Variants in LRRC61 observed in about 807,000 individuals in gnomAD.
LRRC61 encodes leucine-rich repeat-containing protein 61.
A neutral mutation model predicts 15.1 loss-of-function variants in LRRC61; 9 were observed. The observed-to-expected ratio is 0.60, with a 90% CI of 0.36 to 1.04. The LOEUF (loss-of-function observed/expected upper bound fraction) is 1.04, where lower values mean the gene tolerates loss of function less well. Ranked by LOEUF, LRRC61 falls within the 50% of genes least tolerant of loss-of-function variation. The pLI is 0.01. For missense variants in LRRC61, 344 were observed against 335.6 expected (o/e 1.03, Z -0.20); for synonymous variants, 173 against 158.6 (o/e 1.09, Z -0.68).
At chr7:150,324,817 C>G (rs1056856284) in intron 1 of LRRC61, among the ~76,000 whole-genome samples, 7 of 152,178 alleles carry the variant, frequency 4.6e-5, no homozygotes, top group African/African-American at 1.7e-4. Context: ...CTCCCATCCC[C>G]ACCTCCAGCA....
upstream of LRRC61, among the ~76,000 whole-genome samples, chr7:150,318,535 G>A (rs1025459001): frequency 1.3e-4 from 20 of 152,250 alleles, no homozygotes; most frequent in African/African-American, 4.6e-4. Context: ...AGGCCAAGGT[G>A]GGCGGATCAC....
chr7:150,336,934 A>C lies in LRRC61; in HGVS notation c.73A>C (p.Thr25Pro). 6.2e-7 allele frequency: 1 copy of C among 1,613,870 alleles called. No individual in the cohort carries two copies. Among genetic ancestry groups the C allele is most frequent in the East Asian group, 2.2e-5 (1 of 44,890 alleles). ...QITPQLLKSR[T>P]GEFSLESILL... ...CACACCCCAGCTGCTGAAGTCACGC[A>C]CAGGCGAGTTCTCCCTGGAGTCCAT... Residue 25 changes from threonine to proline, a missense_variant, in exon 3 of 3, where the codon ACA becomes CCA. Thr to Pro is a conservative substitution (Grantham distance 38). Transcript: ENST00000359623.
chr7:150,315,042 A>C, the LRRC61 span, among the ~76,000 whole-genome samples: 1 of 147,332 alleles, frequency 6.8e-6, no homozygotes, highest in Non-Finnish European at 1.5e-5. Context: ...TAATATTAAT[A>C]ATTACTTTTA....
At chr7:150,324,423 GAGC>G (rs1797866314) in intron 1 of LRRC61, 1 of 152,322 alleles carries the variant, frequency 6.6e-6, no homozygotes, top group Non-Finnish European at 1.5e-5. Context: ...GGCTTGGTGA[GAGC>G]AGCGAGAAGA....
chr7:150,329,154 T>G (rs1585042767), intron 2 of LRRC61, among the ~76,000 whole-genome samples: 2 of 152,150 alleles, frequency 1.3e-5, no homozygotes, highest in Non-Finnish European at 2.9e-5. Flanking sequence ...ATAGGCTGGG[T>G]CCTCCATATA....
chr7:150,328,127 G>A (rs185929355), intron 2 of LRRC61, among the ~76,000 whole-genome samples: 17 of 152,286 alleles, frequency 1.1e-4, no homozygotes, highest in East Asian at 3.9e-4. Context: ...CAATATATGC[G>A]TGTGTGGGTA....
In LRRC61 at chr7:150,337,244, G is replaced by A. The variant is rs753611359; in HGVS notation, c.383G>A (p.Arg128Gln). 2.2e-5 allele frequency: 36 copies of A among 1,603,942 alleles called. No homozygotes were observed. The highest frequency in any genetic ancestry group is 6.7e-5 in the East Asian group (3 of 44,890). The part of the protein sequence containing the change: ...LAGLPCLEYL[R>Q]LRDPLARLSN... ...GGGCTACCGTGCCTGGAGTACCTGC[G>A]GCTCCGAGACCCTTTGGCCCGGCTC... The change falls in exon 3 of 3, where the codon CGG becomes CAG. Residue 128 changes from arginine to glutamine, a missense_variant. By Grantham distance (43) the Arg-to-Gln change is conservative. Transcript: ENST00000359623.
Position 150,330,267 on chromosome 7 carries a change from CT to C in LRRC61, c.-145+4258del. ...CCACTGGGTCTCGGCCTACCACCTGCTGGAGTGGCTGGTGGAGCAGCAGCAG... is the reference window on the plus strand; with the variant it reads ...CCACTGGGTCTCGGCCTACCACCTGCGGAGTGGCTGGTGGAGCAGCAGCAG... On this transcript the variant is annotated intron_variant, in intron 2 of 2. Coordinates refer to ENST00000359623, the MANE Select transcript of LRRC61 (RefSeq NM_001142928.2). The surrounding 1 kb of genome is among the most constrained non-coding windows in gnomAD (Gnocchi z 4.6). 1.6e-6 allele frequency: 1 copy of C among 643,968 alleles called. No homozygotes were observed. The highest frequency in any genetic ancestry group is 2.6e-5 in the East Asian group (1 of 37,924). 39.9% of individuals were successfully genotyped at this position (643,968 alleles called of 1,614,324 possible). A position where few individuals can be genotyped will look rare whatever the true frequency, so the allele number is the denominator to read the frequency against.
At chr7:150,326,122 AC>A (rs551549769) in intron 2 of LRRC61, 112 bp downstream of exon 2, 14 of 151,946 alleles carry the variant, frequency 9.2e-5, no homozygotes, top group African/African-American at 3.4e-4. Context: ...ATAGCACCAT[AC>A]CCCACTTTCC....
rs770559995 is a variant in LRRC61, at chr7:150,337,295, C to T, written c.434C>T (p.Ser145Phe). The T allele has an allele frequency of 6.2e-7, 1 of 1,603,558 alleles. No individual in the cohort carries two copies. Among genetic ancestry groups the T allele is most frequent in the East Asian group, 2.2e-5 (1 of 44,872 alleles). Residue 145 changes from serine to phenylalanine, a missense_variant, in exon 3 of 3, where the codon TCC (serine) becomes TTC (phenylalanine). By Grantham distance (155) the Ser-to-Phe change is radical. Transcript: ENST00000359623. ...RLSNPLCANP[S>F]YWAAVRELLP... ...AGCAACCCGCTCTGTGCCAACCCCT[C>T]CTACTGGGCTGCAGTCCGGGAGCTG...
chr7:150,316,375 G>C, the LRRC61 span, among the ~76,000 whole-genome samples: 1 of 151,668 alleles, frequency 6.6e-6, no homozygotes, highest in African/African-American at 2.4e-5. Flanking sequence ...AATATATGTT[G>C]ATATGTGTCA....
At position 150,325,858 on chromosome 7, in the gene LRRC61, G is replaced by A. The variant is rs893957159; in HGVS notation, c.-297G>A. ...CGTTTTAGATTCATTTGGATTCAAGGTTGGCTCTCAACAGTGCCAGCTGCA... is the reference window on the plus strand; with the variant it reads ...CGTTTTAGATTCATTTGGATTCAAGATTGGCTCTCAACAGTGCCAGCTGCA... On this transcript the variant is annotated 5_prime_UTR_variant, in exon 2 of 3. Coordinates refer to ENST00000359623, the MANE Select transcript of LRRC61 (RefSeq NM_001142928.2). 2.0e-5 allele frequency: 3 copies of A among 152,628 alleles called. No individual in the cohort carries two copies. In the East Asian group the frequency reaches 5.8e-4, roughly 29 times the overall value. The allele number at this position is 152,628 out of a possible 1,614,324, so 9.5% of individuals were successfully genotyped here. A position where few individuals can be genotyped will look rare whatever the true frequency, so the allele number is the denominator to read the frequency against.
Position 150,330,304 on chromosome 7 carries a change from A to C in LRRC61, c.-145+4294A>C. 1 of 694,650 alleles carries C rather than the reference A, an allele frequency of 1.4e-6. No homozygotes were observed. 43.0% of individuals were successfully genotyped at this position (694,650 alleles called of 1,614,324 possible). A position where few individuals can be genotyped will look rare whatever the true frequency, so the allele number is the denominator to read the frequency against. On this transcript the variant is annotated intron_variant, in intron 2 of 2. Coordinates refer to ENST00000359623, the MANE Select transcript of LRRC61 (RefSeq NM_001142928.2). The surrounding 1 kb of genome is among the most constrained non-coding windows in gnomAD (Gnocchi z 4.6). ...GTGGAGCAGCAGCAGCCCCTTCAAG[A>C]GTACAAGGGCAGGCACCAGCTGGGG... is the stretch of plus-strand genomic sequence containing the variant.
rs1798274246 is a variant in LRRC61 at position 150,335,969 on chromosome 7, A to G, written c.-144-749A>G. Among the ~76,000 whole-genome samples, 1 of 152,178 alleles carries G rather than the reference A, an allele frequency of 6.6e-6. No individual in the cohort carries two copies. The highest frequency in any genetic ancestry group is 2.1e-4 in the South Asian group (1 of 4,826). On this transcript the variant is annotated intron_variant, in intron 2 of 2. Transcript: ENST00000359623. The surrounding 1 kb of genome is among the most constrained non-coding windows in gnomAD (Gnocchi z 4.3). ...TGCAGCTGGCACCGTGCTGTCTGGC[A>G]CGTATATCAGTGCTGTTCCATTGAT...
chr7:150,329,044 G>C (rs1186922670), intron 2 of LRRC61, among the ~76,000 whole-genome samples: 3 of 152,200 alleles, frequency 2.0e-5, no homozygotes, highest in Non-Finnish European at 1.5e-5. Context: ...ATGCTATCCA[G>C]TTGAAACCTA....
chr7:150,335,962 G>A lies in LRRC61; in HGVS notation c.-144-756G>A, dbSNP rs375488121. ...TTGTCTTTGCAGCTGGCACCGTGCTGTCTGGCACGTATATCAGTGCTGTTC... is the reference window on the plus strand; with the variant it reads ...TTGTCTTTGCAGCTGGCACCGTGCTATCTGGCACGTATATCAGTGCTGTTC... On this transcript the variant is annotated intron_variant, in intron 2 of 2. Transcript: ENST00000359623. The surrounding 1 kb of genome is among the most constrained non-coding windows in gnomAD (Gnocchi z 4.3). Among the ~76,000 whole-genome samples, 3 of 152,318 alleles carry A rather than the reference G, an allele frequency of 2.0e-5. No homozygotes were observed. Among genetic ancestry groups the A allele is most frequent in the African/African-American group, 7.2e-5 (3 of 41,566 alleles).
chr7:150,326,569 G>A (rs1179599475), intron 2 of LRRC61, among the ~76,000 whole-genome samples: 3 of 151,936 alleles, frequency 2.0e-5, no homozygotes, highest in Admixed American at 2.0e-4. Flanking sequence ...TGAAGTCCCA[G>A]CTACTTGGGA....
chr7:150,331,637 G>A (rs1423216238), intron 2 of LRRC61: 2 of 168,204 alleles, frequency 1.2e-5, no homozygotes, highest in Admixed American at 6.5e-5. Flanking sequence ...TAAAACATAA[G>A]TGGGTATGAA....
Position 150,325,839 on chromosome 7 carries a change from A to G in LRRC61, c.-314-2A>G, listed in dbSNP as rs1408262611. Reference sequence around the variant, plus strand: ...ACTTTCTTTTTAAAATTTACGTTTTAGATTCATTTGGATTCAAGGTTGGCT... The same window carrying G: ...ACTTTCTTTTTAAAATTTACGTTTTGGATTCATTTGGATTCAAGGTTGGCT... On this transcript the variant is annotated splice_acceptor_variant, in intron 1 of 2. Coordinates refer to ENST00000359623, the MANE Select transcript of LRRC61 (RefSeq NM_001142928.2). LOFTEE classifies it low-confidence loss of function (5UTR_SPLICE). 2 of 152,650 alleles carry G rather than the reference A, an allele frequency of 1.3e-5. No homozygotes were observed. The highest frequency in any genetic ancestry group is 6.5e-5 in the Admixed American group (1 of 15,288). The allele number at this position is 152,650 out of a possible 1,614,324, so 9.5% of individuals were successfully genotyped here.
Sources: allele counts gnomAD v4.1 joint callset (sites outside exome capture counted in the v4.1 genomes callset), GRCh38; gene constraint gnomAD v4.1.1; non-coding constraint Gnocchi (gnomAD v3.1); transcripts MANE v1.5; gene names NCBI Gene and HGNC (gene_info 2026-07-23, HGNC 2026-07-21).